The following DOCK3 variants were observed in gnomAD, a reference collection of about 807,000 sequenced individuals.
DOCK3 encodes the protein dedicator of cytokinesis 3.
Under a neutral mutation model 265.6 loss-of-function variants are expected in DOCK3, and 60 were observed. That is an observed-to-expected ratio of 0.23 (90% CI 0.18 to 0.28). The LOEUF is 0.28. DOCK3 is among the 10% of genes least tolerant of loss of function. The pLI, the probability that DOCK3 is intolerant of heterozygous loss-of-function variation, is 1.00. For synonymous variants in DOCK3, 881 were observed against 938.0 expected, an observed-to-expected ratio of 0.94 and a Z score of 1.11; for missense variants, 1,981 against 2,594.3, an observed-to-expected ratio of 0.76 and a Z score of 5.14.
At chr3:50,952,413 G>C (rs963029341) in intron 5 of DOCK3, among the ~76,000 whole-genome samples, 23 of 151,992 alleles carry the variant, frequency 1.5e-4, no homozygotes, top group Non-Finnish European at 2.9e-4. Flanking sequence ...CTAAGAAACT[G>C]TTCACAGAAA....
intron 4 of DOCK3, among the ~76,000 whole-genome samples, chr3:50,918,227 C>T (rs1237224434): frequency 6.6e-6 from 1 of 152,114 alleles, no homozygotes; most frequent in African/African-American, 2.4e-5. Flanking sequence ...CATACGTGTG[C>T]ATGTGTCTTT....
chr3:50,978,407 G>A (rs1435828958), intron 5 of DOCK3, among the ~76,000 whole-genome samples: 6 of 63,604 alleles, frequency 9.4e-5, no homozygotes, highest in African/African-American at 2.2e-4. Flanking sequence ...CCTGCCGTGT[G>A]AGGTGTCAGT....
chr3:50,805,583 CAGGGCCATTTCTCAG>C (rs1172114304), intron 2 of DOCK3, among the ~76,000 whole-genome samples: 1 of 152,118 alleles, frequency 6.6e-6, no homozygotes, highest in Non-Finnish European at 1.5e-5. Context: ...GGTCGGCCTG[CAGGGCCATTTCTCAG>C]GCTCTGGATG....
rs1178334362 is a variant in DOCK3 at position 51,312,594 on chromosome 3, T to C, written c.3194+18T>C. 3 of 1,562,618 alleles carry C rather than the reference T, an allele frequency of 1.9e-6. No homozygotes were observed. Among genetic ancestry groups the C allele is most frequent in the Non-Finnish European group, 2.6e-6 (3 of 1,159,488 alleles). On this transcript the variant is annotated intron_variant, in intron 30 of 52. Coordinates refer to ENST00000266037, the MANE Select transcript of DOCK3 (RefSeq NM_004947.5). The stretch of plus-strand genomic sequence containing the variant: ...CTAGATAAGTAAGATAAACGTCTTA[T>C]ATTCATCTCCTTACCACTTGGCCAA...
intron 1 of DOCK3, among the ~76,000 whole-genome samples, chr3:50,764,421 G>A (rs2040732983): frequency 6.6e-6 from 1 of 152,086 alleles, no homozygotes; most frequent in Non-Finnish European, 1.5e-5. Context: ...AACTAATCTA[G>A]AGATGGTTTA....
chr3:50,848,150 G>A (rs1324824569), intron 3 of DOCK3, among the ~76,000 whole-genome samples: 1 of 151,970 alleles, frequency 6.6e-6, no homozygotes, highest in Non-Finnish European at 1.5e-5. Context: ...TTGCATAGTA[G>A]ATCTGTCTTC....
intron 24 of DOCK3, 118 bp from the exon 25 acceptor site, chr3:51,274,961 T>C: frequency 1.6e-6 from 2 of 1,240,606 alleles, no homozygotes; most frequent in Non-Finnish European, 2.3e-6. Context: ...ACCTTCACTT[T>C]TGCTCTAGTC....
intron 12 of DOCK3, among the ~76,000 whole-genome samples, chr3:51,193,693 T>G (rs2088088986): frequency 6.6e-6 from 1 of 152,026 alleles, no homozygotes; most frequent in African/African-American, 2.4e-5. Context: ...GTGTTTCAGT[T>G]TGTCAGCATG....
At chr3:50,888,875 G>T (rs1481456425) in intron 3 of DOCK3, among the ~76,000 whole-genome samples, 2 of 152,078 alleles carry the variant, frequency 1.3e-5, no homozygotes, top group Non-Finnish European at 2.9e-5. Context: ...ATGGATTAAA[G>T]ATTAAAGACT....
intron 5 of DOCK3, among the ~76,000 whole-genome samples, chr3:51,015,336 T>A (rs928281867): frequency 2.0e-5 from 3 of 152,022 alleles, no homozygotes; most frequent in Admixed American, 2.0e-4. Context: ...AAGATTTTTA[T>A]TATGAAGGGA....
At chr3:50,760,725 G>A (rs1364610968) in intron 1 of DOCK3, among the ~76,000 whole-genome samples, 1 of 151,958 alleles carries the variant, frequency 6.6e-6, no homozygotes, top group Non-Finnish European at 1.5e-5. Context: ...TGTACAGATT[G>A]TGTATCCTGC....
In DOCK3 at chr3:51,312,025, G is replaced by C; in HGVS notation, c.3039G>C (p.Gln1013His). The C allele has an allele frequency of 6.2e-7, 1 of 1,605,738 alleles. No individual in the cohort carries two copies. The highest frequency in any genetic ancestry group is 1.1e-5 in the South Asian group (1 of 89,224). Residue 1013 changes from glutamine to histidine, a missense_variant, in exon 29 of 53, where the codon CAG (glutamine) becomes CAC (histidine). By Grantham distance (24) the Gln-to-His change is conservative (BLOSUM62 0). This residue lies in a region of DOCK3 where 1,357 missense variants were observed against 1,866.8 expected (regional missense o/e 0.73). Transcript: ENST00000266037. ...GCAGTATTATAGTCACTACTGTCCA[G>C]TACCTGTCCTCTGCACTGCACAAGA... ...LTSNIIVTTV[Q>H]YLSSALHKNF...
At chr3:50,793,189 A>G (rs996444383) in intron 2 of DOCK3, among the ~76,000 whole-genome samples, 2 of 151,952 alleles carry the variant, frequency 1.3e-5, no homozygotes, top group African/African-American at 4.8e-5. Context: ...TTTGGTTTAT[A>G]TGTATAGAGG....
chr3:51,360,686 C>G, intron 47 of DOCK3, 54 bp downstream of exon 47: 1 of 1,608,368 alleles, frequency 6.2e-7, no homozygotes, highest in South Asian at 1.1e-5. Context: ...TCTAAATTGT[C>G]AAGGGTCAGA....
intron 27 of DOCK3, among the ~76,000 whole-genome samples, chr3:51,288,680 G>T (rs1268738205): frequency 6.6e-6 from 1 of 152,176 alleles, no homozygotes; most frequent in African/African-American, 2.4e-5. Flanking sequence ...TTAGAATGAG[G>T]GAGGCCATTA....
At chr3:51,168,007 C>T (rs1275947761) in intron 12 of DOCK3, among the ~76,000 whole-genome samples, 2 of 152,118 alleles carry the variant, frequency 1.3e-5, no homozygotes, top group African/African-American at 4.8e-5. Context: ...ACATCTTTGT[C>T]ATGTTTCTGA....
chr3:51,064,457 G>A lies in DOCK3; in HGVS notation c.325G>A (p.Val109Ile), dbSNP rs866949542. The A allele has an allele frequency of 1.2e-6, 2 of 1,613,858 alleles. No individual in the cohort carries two copies. The highest frequency in any genetic ancestry group is 1.1e-5 in the South Asian group (1 of 91,072). Residue 109 changes from valine (V) to isoleucine (I), a missense_variant, in exon 6 of 53, where the codon GTA (valine) becomes ATA (isoleucine). This residue lies in a region of DOCK3 where 456 missense variants were observed against 539.0 expected (regional missense o/e 0.85). Transcript: ENST00000266037. ...AAAAATGCCCTTTCAGAAACACAAA[G>A]TAGATCTTTTCTACAAACTACGCCA... ...LWKQLYVKHKVDLFYKLRHVM... is the reference protein window; with the variant it reads ...LWKQLYVKHKIDLFYKLRHVM...
At chr3:50,733,654 A>G (rs1576276288) in intron 1 of DOCK3, among the ~76,000 whole-genome samples, 1 of 152,308 alleles carries the variant, frequency 6.6e-6, no homozygotes, top group South Asian at 2.1e-4. Context: ...ATATAGTTGG[A>G]TCATGCTTTT....
intron 4 of DOCK3, among the ~76,000 whole-genome samples, chr3:50,908,529 G>A (rs59944295): frequency 0.025 from 3,863 of 152,074 alleles, 221 homozygotes; most frequent in African/African-American, 0.089. Context: ...AGTTGTGAGG[G>A]TTGGAGTGAG....
Sources: allele counts gnomAD v4.1 joint callset (sites outside exome capture counted in the v4.1 genomes callset), GRCh38; gene constraint gnomAD v4.1.1; regional missense constraint gnomAD v4.1.1; transcripts MANE v1.5; gene names NCBI Gene and HGNC (gene_info 2026-07-23, HGNC 2026-07-21).